RNF138: variants seen among roughly 807,000 people sequenced by gnomAD.
RNF138 encodes E3 ubiquitin-protein ligase RNF138.
In RNF138, 12 loss-of-function variants were observed where a neutral mutation model predicts 31.0. The ratio of observed to expected loss-of-function variants is 0.39; its 90% confidence interval spans 0.25 to 0.63. RNF138 has a LOEUF of 0.63. Ranked by LOEUF, RNF138 falls within the 20% of genes least tolerant of loss-of-function variation. The pLI is 0.52. For synonymous variants in RNF138, 105 were observed against 99.5 expected (o/e 1.06, Z -0.33); for missense variants, 192 against 300.1 (o/e 0.64, Z 2.66).
At chr18:32,095,104 T>G (rs1467403620) in intron 2 of RNF138, among the ~76,000 whole-genome samples, 1 of 152,148 alleles carries the variant, frequency 6.6e-6, no homozygotes, top group Admixed American at 6.5e-5. Context: ...GAAGAGGTGG[T>G]AATGGAGGAA....
intron 4 of RNF138, among the ~76,000 whole-genome samples, chr18:32,121,460 A>G (rs2040304582): frequency 6.6e-6 from 1 of 152,206 alleles, no homozygotes; most frequent in African/African-American, 2.4e-5. Flanking sequence ...GCGCCACTGC[A>G]TTCCAGCCGG....
Position 32,113,780 on chromosome 18 carries a change from T to G in RNF138, c.312T>G (p.Ser104=). ...KFYRMRHHYK[S]CKKYQDEYGV... is the part of the protein sequence containing the mutation. ...ATCGCATGAGACATCATTACAAATC[T>G]TGTAAGAAGTATCAGGATGAATATG... The change falls in exon 4 of 8, where the codon TCT becomes TCG. Residue 104 remains serine (S), a synonymous_variant. Transcript: ENST00000261593. The G allele has an allele frequency of 6.5e-7, 1 of 1,533,870 alleles. No homozygotes were observed. Among genetic ancestry groups the G allele is most frequent in the Non-Finnish European group, 8.8e-7 (1 of 1,139,540 alleles).
chr18:32,112,442 A>G (rs1368650329), intron 3 of RNF138, among the ~76,000 whole-genome samples: 1 of 152,094 alleles, frequency 6.6e-6, no homozygotes, highest in Admixed American at 6.6e-5. Flanking sequence ...CCCAGCACTT[A>G]TGGGAGGCCA....
chr18:32,093,209 G>T (rs543544229), intron 2 of RNF138, among the ~76,000 whole-genome samples: 1 of 152,240 alleles, frequency 6.6e-6, no homozygotes, highest in Non-Finnish European at 1.5e-5. Flanking sequence ...TTCAGGCCCC[G>T]GAGGCCCCTG....
At chr18:32,093,137 T>G (rs1052667158) in intron 2 of RNF138, among the ~76,000 whole-genome samples, 2 of 150,440 alleles carry the variant, frequency 1.3e-5, no homozygotes, top group Non-Finnish European at 3.0e-5. Context: ...GCTCTCCCGC[T>G]CTCCCGCTCT....
At chr18:32,100,917 A>G (rs2039926709) in intron 2 of RNF138, among the ~76,000 whole-genome samples, 1 of 152,160 alleles carries the variant, frequency 6.6e-6, no homozygotes, top group Non-Finnish European at 1.5e-5. Context: ...AGATATATTT[A>G]AATTAAAATA....
chr18:32,097,386 C>T (rs1478515227), intron 2 of RNF138, among the ~76,000 whole-genome samples: 2 of 152,202 alleles, frequency 1.3e-5, no homozygotes, highest in Non-Finnish European at 2.9e-5. Context: ...TCTTGTTAAG[C>T]ACAAATTTGT....
chr18:32,111,025 C>T, intron 2 of RNF138, among the ~76,000 whole-genome samples: 1 of 152,236 alleles, frequency 6.6e-6, no homozygotes, highest in Non-Finnish European at 1.5e-5. Flanking sequence ...CGTGATCCGC[C>T]TGCTTCAGCG....
intron 2 of RNF138, among the ~76,000 whole-genome samples, chr18:32,110,769 G>T (rs1192672864): frequency 1.3e-5 from 2 of 151,906 alleles, no homozygotes; most frequent in Admixed American, 6.6e-5. Flanking sequence ...TAGAAAGTTG[G>T]TTATAAATGT....
chr18:32,125,838 C>CCTAAGAAGGTGTACTA (rs2144292340), intron 6 of RNF138, among the ~76,000 whole-genome samples: 1 of 152,240 alleles, frequency 6.6e-6, no homozygotes, highest in South Asian at 2.1e-4. Flanking sequence ...TCACATACCA[C>CCTAAGAAGGTGTACTA]CTAAGAAGGT....
chr18:32,114,383 A>C (rs957206356), intron 4 of RNF138, among the ~76,000 whole-genome samples: 2 of 152,194 alleles, frequency 1.3e-5, no homozygotes, highest in African/African-American at 4.8e-5. Context: ...ATTCATGTAC[A>C]TTAAACATTT....
intron 2 of RNF138, among the ~76,000 whole-genome samples, chr18:32,106,265 A>G (rs190535185): frequency 3.2e-4 from 49 of 152,290 alleles, no homozygotes; most frequent in African/African-American, 1.0e-3. Context: ...CATAAGCCCT[A>G]TAAGTTTTAG....
intron 2 of RNF138, 68 bp downstream of exon 2, chr18:32,092,954 C>T (rs2039728351): frequency 3.4e-6 from 3 of 888,972 alleles, no homozygotes; most frequent in Non-Finnish European, 4.8e-6. Context: ...GGCCCGGGAC[C>T]CCGGGCTGCC....
intron 2 of RNF138, among the ~76,000 whole-genome samples, chr18:32,100,921 T>A (rs529129891): frequency 3.1e-4 from 47 of 152,264 alleles, no homozygotes; most frequent in African/African-American, 1.0e-3. Context: ...ATATTTAAAT[T>A]AAAATAAATG....
chr18:32,101,283 G>A (rs684693), intron 2 of RNF138, among the ~76,000 whole-genome samples: 141,882 of 151,274 alleles, frequency 0.94, 66,669 homozygotes, highest in East Asian at 1. Context: ...GGCACACGCA[G>A]TCTTGGCTCA....
intron 2 of RNF138, among the ~76,000 whole-genome samples, chr18:32,104,818 C>T (rs886817116): frequency 3.9e-5 from 6 of 152,080 alleles, no homozygotes; most frequent in Non-Finnish European, 8.8e-5. Flanking sequence ...CAATTTTCTC[C>T]ACACAGTTCT....
At chr18:32,105,660 A>T (rs1398006476) in intron 2 of RNF138, among the ~76,000 whole-genome samples, 1 of 152,198 alleles carries the variant, frequency 6.6e-6, no homozygotes, top group Non-Finnish European at 1.5e-5. Flanking sequence ...GTGGGGGAAT[A>T]TCTCTGATCC....
chr18:32,126,638 TATA>T (rs1460885557), intron 6 of RNF138, 52 bp from the exon 7 acceptor site: 53 of 1,086,006 alleles, frequency 4.9e-5, no homozygotes, highest in African/African-American at 1.1e-4. Context: ...CTGTCAATTG[TATA>T]ATATTTCATT....
At chr18:32,100,709 C>A (rs1162501513) in intron 2 of RNF138, among the ~76,000 whole-genome samples, 2 of 152,146 alleles carry the variant, frequency 1.3e-5, no homozygotes, top group African/African-American at 4.8e-5. Flanking sequence ...CTCCCAACCT[C>A]AGGTGATCCA....
Sources: gnomAD v4.1 joint callset for allele counts (sites outside exome capture counted in the v4.1 genomes callset) on GRCh38, gnomAD v4.1.1 for gene constraint, MANE v1.5 for transcripts, NCBI Gene and HGNC (gene_info 2026-07-23, HGNC 2026-07-21) for gene names.